TNNI3K: variants seen among roughly 807,000 people sequenced by gnomAD.
The protein encoded by TNNI3K is serine/threonine-protein kinase TNNI3K.
TNNI3K carries 140 observed loss-of-function variants against 114.5 expected under a neutral mutation model. That is an observed-to-expected ratio of 1.22 (90% CI 1.07 to 1.41). The LOEUF (loss-of-function observed/expected upper bound fraction) is 1.41, where lower values mean the gene tolerates loss of function less well. TNNI3K is among the 40% of genes most tolerant of loss of function. TNNI3K has a pLI of 0.00. For synonymous variants in TNNI3K, 347 were observed against 347.5 expected (o/e 1.00, Z 0.02); for missense variants, 1,125 against 1,007.6 (o/e 1.12, Z -1.58).
intron 5 of TNNI3K, among the ~76,000 whole-genome samples, chr1:74,329,391 C>T (rs1483736979): frequency 6.6e-6 from 1 of 151,976 alleles, no homozygotes; most frequent in Non-Finnish European, 1.5e-5. Context: ...GTGTATTCTC[C>T]TGATCATTAG....
rs188263196 is a variant in TNNI3K at position 74,361,341 on chromosome 1, A to G, written c.1178-5915A>G. On this transcript the variant is annotated intron_variant, in intron 11 of 24. Transcript: ENST00000326637. ...CTTCCAGACTGTTGTAAGATTCACC[A>G]TTATACACATTCACATCATGTACCT... is the stretch of plus-strand genomic sequence containing the variant. Among the ~76,000 whole-genome samples, 6 of 152,186 alleles carry G rather than the reference A, an allele frequency of 3.9e-5. No homozygotes were observed. In the East Asian group the frequency reaches 9.7e-4, roughly 25 times the overall value.
At chr1:74,362,686 T>G (rs1187037552) in intron 11 of TNNI3K, among the ~76,000 whole-genome samples, 3 of 152,124 alleles carry the variant, frequency 2.0e-5, no homozygotes, top group East Asian at 3.9e-4. Context: ...TTGGATTGAC[T>G]TGTCATCTTA....
chr1:74,496,737 G>A (rs186107458), intron 23 of TNNI3K, among the ~76,000 whole-genome samples: 3 of 152,182 alleles, frequency 2.0e-5, no homozygotes, highest in Admixed American at 2.0e-4. Context: ...ATTGAGAAAG[G>A]CACTCTTGAA....
At position 74,336,298 on chromosome 1, in the gene TNNI3K, A is replaced by G. The variant is rs1031808182; in HGVS notation, c.682+149A>G. Reference sequence around the variant, plus strand: ...CCACAAGTCATAATTCATCTTTAATATATTTATCAGGCCTACATGCGAATC... The same window carrying G: ...CCACAAGTCATAATTCATCTTTAATGTATTTATCAGGCCTACATGCGAATC... On this transcript the variant is annotated intron_variant, in intron 7 of 24. Coordinates refer to ENST00000326637, the MANE Select transcript of TNNI3K (RefSeq NM_015978.3). 2.4e-5 allele frequency: 25 copies of G among 1,057,916 alleles called. No homozygotes were observed. The African/African-American group carries it at 4.0e-4, about 17-fold the overall frequency. The allele number at this position is 1,057,916 out of a possible 1,614,324, so 65.5% of individuals were successfully genotyped here.
At chr1:74,541,261 A>T (rs568567665) in intron 24 of TNNI3K, among the ~76,000 whole-genome samples, 1 of 152,172 alleles carries the variant, frequency 6.6e-6, no homozygotes, top group African/African-American at 2.4e-5. Flanking sequence ...GCAGAGACTC[A>T]TTACCTAAGG....
At chr1:74,476,108 C>T (rs1384814894) in intron 21 of TNNI3K, among the ~76,000 whole-genome samples, 1 of 152,084 alleles carries the variant, frequency 6.6e-6, no homozygotes, top group Non-Finnish European at 1.5e-5. Context: ...TAAAACAGTT[C>T]CTGCAGTAAC....
At chr1:74,488,041 A>G (rs1035947420) in intron 21 of TNNI3K, among the ~76,000 whole-genome samples, 5 of 152,198 alleles carry the variant, frequency 3.3e-5, no homozygotes, top group African/African-American at 1.2e-4. Flanking sequence ...AGGAACCCAG[A>G]GGTCAGGCTA....
chr1:74,451,347 A>G (rs1394042497), intron 20 of TNNI3K, among the ~76,000 whole-genome samples: 2 of 152,140 alleles, frequency 1.3e-5, no homozygotes, highest in African/African-American at 2.4e-5. Context: ...ATCATGGTAC[A>G]TGTTTACTTA....
chr1:74,345,780 A>G (rs1284049344), intron 9 of TNNI3K: 1 of 152,206 alleles, frequency 6.6e-6, no homozygotes, highest in Non-Finnish European at 1.5e-5. Flanking sequence ...ACTACAGGAA[A>G]AGAACATTTA....
intron 17 of TNNI3K, among the ~76,000 whole-genome samples, chr1:74,403,880 A>T (rs1664488460): frequency 6.6e-6 from 1 of 152,188 alleles, no homozygotes; most frequent in Non-Finnish European, 1.5e-5. Flanking sequence ...ATTTGTTTTT[A>T]AATTTTACTT....
chr1:74,402,471 C>T (rs1295335143), intron 17 of TNNI3K, among the ~76,000 whole-genome samples: 1 of 152,174 alleles, frequency 6.6e-6, no homozygotes, highest in Non-Finnish European at 1.5e-5. Context: ...AAGTCTTGAA[C>T]CATGGCAAGT....
intron 17 of TNNI3K, among the ~76,000 whole-genome samples, chr1:74,404,384 A>G (rs1408174550): frequency 1.3e-5 from 2 of 152,018 alleles, no homozygotes; most frequent in African/African-American, 4.8e-5. Context: ...AACTTTTCAT[A>G]CCCAGTTTCT....
intron 5 of TNNI3K, among the ~76,000 whole-genome samples, chr1:74,280,357 A>C (rs1239661782): frequency 6.6e-6 from 1 of 151,754 alleles, no homozygotes; most frequent in Admixed American, 6.6e-5. Context: ...ACTCCAGTCT[A>C]GGTGACAGAG....
At chr1:74,354,439 TC>T (rs1459000334) in intron 11 of TNNI3K, among the ~76,000 whole-genome samples, 1 of 151,780 alleles carries the variant, frequency 6.6e-6, no homozygotes, top group Non-Finnish European at 1.5e-5. Flanking sequence ...TCAGAGCTAG[TC>T]TTTATCTCTT....
chr1:74,343,410 C>T (rs1371593546), intron 9 of TNNI3K, among the ~76,000 whole-genome samples: 5 of 152,164 alleles, frequency 3.3e-5, no homozygotes, highest in Non-Finnish European at 7.4e-5. Context: ...GTGTTCCTGG[C>T]AGCAGCCACA....
At chr1:74,440,005 G>A (rs1280645512) in intron 20 of TNNI3K, among the ~76,000 whole-genome samples, 1 of 151,982 alleles carries the variant, frequency 6.6e-6, no homozygotes, top group Non-Finnish European at 1.5e-5. Context: ...TAAGAAAGTA[G>A]TAACACAGAA....
chr1:74,415,774 C>T (rs1665088811), intron 17 of TNNI3K, among the ~76,000 whole-genome samples: 1 of 150,658 alleles, frequency 6.6e-6, no homozygotes, highest in African/African-American at 2.4e-5. Flanking sequence ...AATATATATC[C>T]CGTTCTTGGT....
chr1:74,374,200 A>C (rs1662758920), intron 17 of TNNI3K: 1 of 151,860 alleles, frequency 6.6e-6, no homozygotes, highest in African/African-American at 2.4e-5. Flanking sequence ...CAGAAGTGAA[A>C]CCTATGGATT....
At chr1:74,529,314 A>G (rs1646549656) in intron 23 of TNNI3K, among the ~76,000 whole-genome samples, 3 of 152,176 alleles carry the variant, frequency 2.0e-5, no homozygotes, top group African/African-American at 7.2e-5. Flanking sequence ...CCCTTCTGTG[A>G]TACTGCCCTC....
Sources: allele counts gnomAD v4.1 joint callset (sites outside exome capture counted in the v4.1 genomes callset), GRCh38; gene constraint gnomAD v4.1.1; transcripts MANE v1.5; gene names NCBI Gene and HGNC (gene_info 2026-07-23, HGNC 2026-07-21).